The following PRKD1 variants were observed in gnomAD, a reference collection of about 807,000 sequenced individuals.
The protein encoded by PRKD1 is protein kinase D1, also known as serine/threonine-protein kinase D1.
PRKD1 carries 63 observed loss-of-function variants against 95.9 expected under a neutral mutation model. The ratio of observed to expected loss-of-function variants is 0.66; its 90% CI spans 0.54 to 0.81. The LOEUF (loss-of-function observed/expected upper bound fraction) is 0.81, where lower values mean the gene tolerates loss of function less well. Ranked by LOEUF, PRKD1 falls within the 30% of genes least tolerant of loss-of-function variation. PRKD1 has a pLI of 0.00. For synonymous variants in PRKD1, 425 were observed against 423.1 expected (o/e 1.00, Z -0.05); for missense variants, 1,048 against 1,165.3 (o/e 0.90, Z 1.47).
In PRKD1 at chr14:29,630,951, T is replaced by C. The variant is rs527730952; in HGVS notation, c.1463A>G (p.Asn488Ser). Residue 488 changes from asparagine (N) to serine (S), a missense_variant, in exon 10 of 18, where the codon AAT becomes AGT. By Grantham distance (46) the Asn-to-Ser change is conservative. Coordinates refer to ENST00000331968, the MANE Select transcript of PRKD1 (RefSeq NM_002742.3). ...KTSALIPNGANPHCFEITTAN... is the reference protein window; with the variant it reads ...KTSALIPNGASPHCFEITTAN... ...CGTAGTGATTTCGAAACAATGAGGA[T>C]TGGCCCCATTAGGAATTAAAGCTGA... 1.1e-5 allele frequency: 18 copies of C among 1,613,902 alleles called. No individual in the cohort carries two copies. The highest frequency in any genetic ancestry group is 1.5e-5 in the Non-Finnish European group (18 of 1,179,934).
At chr14:29,926,605 A>G (rs1254897519) in intron 1 of PRKD1, among the ~76,000 whole-genome samples, 1 of 152,104 alleles carries the variant, frequency 6.6e-6, no homozygotes, top group Non-Finnish European at 1.5e-5. Context: ...CCACCACTTC[A>G]ACGTCCTACT....
chr14:29,870,850 T>C (rs982337420), intron 1 of PRKD1, among the ~76,000 whole-genome samples: 1 of 152,222 alleles, frequency 6.6e-6, no homozygotes, highest in Non-Finnish European at 1.5e-5. Context: ...TTACAGACTT[T>C]AGCTCTATTA....
chr14:29,849,556 AAACAACAAC>A (rs200478549), intron 1 of PRKD1, among the ~76,000 whole-genome samples: 3 of 150,406 alleles, frequency 2.0e-5, no homozygotes, highest in Non-Finnish European at 2.9e-5. Flanking sequence ...CAGTGAAGTA[AAACAACAAC>A]AACAACAACA....
At chr14:29,920,117 G>A (rs570995870) in intron 1 of PRKD1, among the ~76,000 whole-genome samples, 10 of 150,614 alleles carry the variant, frequency 6.6e-5, no homozygotes, top group Admixed American at 1.3e-4. Context: ...AGAAAGGGGA[G>A]AAAGAAAAGA....
At chr14:29,847,123 G>C (rs755277920) in intron 1 of PRKD1, among the ~76,000 whole-genome samples, 1 of 152,030 alleles carries the variant, frequency 6.6e-6, no homozygotes, top group Non-Finnish European at 1.5e-5. Context: ...CTTCTTCCAG[G>C]ATCTTCTCAG....
At chr14:29,591,348 T>C (rs1187867401) in intron 16 of PRKD1, 1 of 152,138 alleles carries the variant, frequency 6.6e-6, no homozygotes, top group East Asian at 1.9e-4. Flanking sequence ...AATTTATAAA[T>C]GATTTTATAA....
chr14:29,864,467 G>A (rs1892815970), intron 1 of PRKD1, among the ~76,000 whole-genome samples: 1 of 152,092 alleles, frequency 6.6e-6, no homozygotes, highest in Admixed American at 6.6e-5. Context: ...CAAGTGGTCT[G>A]TGTTCAATAC....
At chr14:29,615,850 C>G (rs1369608621) in intron 13 of PRKD1, among the ~76,000 whole-genome samples, 1 of 151,988 alleles carries the variant, frequency 6.6e-6, no homozygotes, top group Non-Finnish European at 1.5e-5. Flanking sequence ...AGAATGATAG[C>G]AAAATACACA....
intron 1 of PRKD1, among the ~76,000 whole-genome samples, chr14:29,772,202 T>C (rs927208798): frequency 5.3e-5 from 8 of 152,220 alleles, no homozygotes; most frequent in Non-Finnish European, 8.8e-5. Context: ...AGAGGTGGCA[T>C]ACTATGGTCT....
chr14:29,747,625 G>A lies in PRKD1; in HGVS notation c.265-21951C>T, dbSNP rs8013628. Among the ~76,000 whole-genome samples, 705 of 151,384 alleles carry A rather than the reference G, an allele frequency of 4.7e-3. 10 individuals are homozygous for A. Among genetic ancestry groups the A allele is most frequent in the African/African-American group, 0.016 (662 of 41,232 alleles). On this transcript the variant is annotated intron_variant, in intron 1 of 17. Coordinates refer to ENST00000331968, the MANE Select transcript of PRKD1 (RefSeq NM_002742.3). ...CGTAATATTATTCAGCTATAATAAG[G>A]AATGAAGTACTGATCTACACACTAC... is the stretch of plus-strand genomic sequence containing the variant.
At chr14:29,925,733 T>A (rs748648054) in intron 1 of PRKD1, among the ~76,000 whole-genome samples, 1 of 152,248 alleles carries the variant, frequency 6.6e-6, no homozygotes, top group Non-Finnish European at 1.5e-5. Context: ...TGACACTACT[T>A]CACTTGCTTT....
chr14:29,671,085 A>C (rs532194606), intron 2 of PRKD1, among the ~76,000 whole-genome samples: 1 of 152,040 alleles, frequency 6.6e-6, no homozygotes, highest in African/African-American at 2.4e-5. Flanking sequence ...AGAAAAAAAA[A>C]TGTATTTAGA....
At chr14:29,599,854 T>G in intron 13 of PRKD1, 37 bp from the exon 14 acceptor site, 1 of 1,574,994 alleles carries the variant, frequency 6.3e-7, no homozygotes. Context: ...AGAAAATGAG[T>G]TTTTTGATAC....
At chr14:29,803,015 C>T (rs1441341480) in intron 1 of PRKD1, among the ~76,000 whole-genome samples, 2 of 152,164 alleles carry the variant, frequency 1.3e-5, no homozygotes, top group Admixed American at 1.3e-4. Flanking sequence ...CCAGAAACTG[C>T]ATTTCAATGA....
rs532038135 is a variant in PRKD1 at position 29,731,414 on chromosome 14, T to C, written c.265-5740A>G. On this transcript the variant is annotated intron_variant, in intron 1 of 17. Coordinates refer to ENST00000331968, the MANE Select transcript of PRKD1 (RefSeq NM_002742.3). Reference sequence around the variant, plus strand: ...CATCTGAAAATAATGTGTATTCTGCTGTTGTTGGGTGGCAAGTTCTATAAA... The same window carrying C: ...CATCTGAAAATAATGTGTATTCTGCCGTTGTTGGGTGGCAAGTTCTATAAA... Among the ~76,000 whole-genome samples the C allele has an allele frequency of 4.6e-5, 7 of 152,330 alleles. No homozygotes were observed. The East Asian group carries it at 9.6e-4, about 21-fold the overall frequency.
At chr14:29,922,276 G>A (rs2139141538) in intron 1 of PRKD1, among the ~76,000 whole-genome samples, 1 of 150,178 alleles carries the variant, frequency 6.7e-6, no homozygotes, top group East Asian at 2.0e-4. Flanking sequence ...ACTCCAGCCT[G>A]GGCAACAGAG....
chr14:29,788,712 A>G (rs1889387366), intron 1 of PRKD1, among the ~76,000 whole-genome samples: 1 of 151,988 alleles, frequency 6.6e-6, no homozygotes, highest in Non-Finnish European at 1.5e-5. Flanking sequence ...TCTGAACTAT[A>G]TTTTTATTCT....
intron 2 of PRKD1, among the ~76,000 whole-genome samples, chr14:29,708,923 G>T (rs1321729083): frequency 6.6e-6 from 1 of 152,030 alleles, no homozygotes; most frequent in African/African-American, 2.4e-5. Flanking sequence ...CCACTCCCAA[G>T]ATAGCAAAAT....
chr14:29,608,917 G>T (rs1295431271), intron 13 of PRKD1, among the ~76,000 whole-genome samples: 2 of 152,092 alleles, frequency 1.3e-5, no homozygotes, highest in South Asian at 4.1e-4. Context: ...CAATATTTTA[G>T]AAATTCACAT....
Sources: allele counts gnomAD v4.1 joint callset (sites outside exome capture counted in the v4.1 genomes callset), GRCh38; gene constraint gnomAD v4.1.1; transcripts MANE v1.5; gene names NCBI Gene and HGNC (gene_info 2026-07-23, HGNC 2026-07-21).